Variants in HCN1 observed in about 807,000 individuals in gnomAD.
HCN1 encodes the protein hyperpolarization activated cyclic nucleotide gated potassium channel 1.
Under a neutral mutation model 78.9 loss-of-function variants are expected in HCN1, and 13 were observed. The ratio of observed to expected loss-of-function variants is 0.16; its 90% CI spans 0.11 to 0.26. HCN1 has a LOEUF of 0.26. Ranked by LOEUF, HCN1 falls within the 10% of genes least tolerant of loss-of-function variation. The pLI is 1.00. For synonymous variants in HCN1, 552 were observed against 455.5 expected (o/e 1.21, Z -2.70); for missense variants, 810 against 1,154.3 (o/e 0.70, Z 4.32).
chr5:45,293,019 C>T (rs1376363321), intron 6 of HCN1, among the ~76,000 whole-genome samples: 1 of 151,946 alleles, frequency 6.6e-6, no homozygotes, highest in Non-Finnish European at 1.5e-5. Context: ...AAGAGAAAAT[C>T]AGTTTACCTA....
intron 5 of HCN1, among the ~76,000 whole-genome samples, chr5:45,340,595 C>T (rs965791978): frequency 2.0e-5 from 3 of 152,088 alleles, no homozygotes; most frequent in Non-Finnish European, 4.4e-5. Context: ...TCCTGAAATT[C>T]TGCTTTTCTT....
chr5:45,579,761 A>T (rs1490312547), intron 2 of HCN1, among the ~76,000 whole-genome samples: 1 of 152,106 alleles, frequency 6.6e-6, no homozygotes, highest in Non-Finnish European at 1.5e-5. Flanking sequence ...AATCTCTGAA[A>T]TACACATCTA....
Position 45,393,121 on chromosome 5 carries a change from A to G in HCN1, c.1230+3371T>C, listed in dbSNP as rs185504015. ...GAATTGATAACTTCCTCACATATTT[A>G]AAGTTATTCTTTGGTCATATTCAAG... On this transcript the variant is annotated intron_variant, in intron 4 of 7. Transcript: ENST00000303230. Among the ~76,000 whole-genome samples the G allele has an allele frequency of 1.8e-3, 281 of 152,284 alleles. 1 individual carries two copies. Among genetic ancestry groups the G allele is most frequent in the African/African-American group, 6.5e-3 (272 of 41,556 alleles).
chr5:45,316,239 G>A (rs1015587830), intron 5 of HCN1, among the ~76,000 whole-genome samples: 13 of 152,030 alleles, frequency 8.6e-5, no homozygotes, highest in Admixed American at 7.2e-4. Flanking sequence ...TTCATCCCTG[G>A]GATGCAAGGC....
chr5:45,387,457 C>A (rs191790372), intron 4 of HCN1, among the ~76,000 whole-genome samples: 1 of 151,874 alleles, frequency 6.6e-6, no homozygotes, highest in African/African-American at 2.4e-5. Flanking sequence ...AAATATTTTA[C>A]ATACTGAATT....
At chr5:45,340,367 TTGTC>T (rs1746551344) in intron 5 of HCN1, among the ~76,000 whole-genome samples, 1 of 152,212 alleles carries the variant, frequency 6.6e-6, no homozygotes, top group Admixed American at 6.5e-5. Flanking sequence ...AGTTGTGCTG[TTGTC>T]TTTCTGCAGT....
At chr5:45,539,930 ATAT>A (rs898471728) in intron 2 of HCN1, among the ~76,000 whole-genome samples, 11 of 26,302 alleles carry the variant, frequency 4.2e-4, no homozygotes, top group African/African-American at 7.5e-4. Flanking sequence ...ATATATATAT[ATAT>A]ATATATATAT....
At position 45,303,819 on chromosome 5, in the gene HCN1, A is replaced by G. The variant is rs761446747; in HGVS notation, c.1398T>C (p.Cys466=). The G allele has an allele frequency of 3.1e-6, 5 of 1,613,382 alleles. No homozygotes were observed. The Admixed American group carries it at 5.0e-5, about 16-fold the overall frequency. The change falls in exon 6 of 8, where the codon TGT becomes TGC. Residue 466 remains cysteine, a synonymous_variant. Transcript: ENST00000303230. ...PLREEIVNFN[C]RKLVATMPLF... ...AAGGCATTGTAGCCACCAGTTTCCG[A>G]CAGTTGAAGTTGACTATCTCCTAAA...
chr5:45,682,324 A>T, intron 1 of HCN1, among the ~76,000 whole-genome samples: 1 of 145,024 alleles, frequency 6.9e-6, no homozygotes, highest in African/African-American at 2.6e-5. Flanking sequence ...AAACTACATA[A>T]AACCAAGCAT....
chr5:45,493,113 T>A (rs947501768), intron 2 of HCN1, among the ~76,000 whole-genome samples: 49 of 152,122 alleles, frequency 3.2e-4, no homozygotes, highest in African/African-American at 1.1e-3. Flanking sequence ...ACCTTATAAA[T>A]ATACTGAGAC....
At chr5:45,560,186 C>A (rs1202587764) in intron 2 of HCN1, among the ~76,000 whole-genome samples, 4 of 152,034 alleles carry the variant, frequency 2.6e-5, no homozygotes, top group Non-Finnish European at 4.4e-5. Context: ...GCTATATTTG[C>A]TTTATTGCAG....
chr5:45,691,933 T>C (rs1374089059), intron 1 of HCN1, among the ~76,000 whole-genome samples: 1 of 152,090 alleles, frequency 6.6e-6, no homozygotes, highest in Admixed American at 6.6e-5. Context: ...TACAACAAAA[T>C]AAGCTTTTCA....
chr5:45,529,443 T>C (rs1050900983), intron 2 of HCN1, among the ~76,000 whole-genome samples: 4 of 152,036 alleles, frequency 2.6e-5, no homozygotes, highest in African/African-American at 9.7e-5. Flanking sequence ...TAATAGTGAT[T>C]CTGTCTGATG....
chr5:45,262,251 C>T lies in HCN1; in HGVS notation c.2343G>A (p.Arg781=), dbSNP rs575150344. 6.2e-7 allele frequency: 1 copy of T among 1,614,018 alleles called. No individual in the cohort carries two copies. Among genetic ancestry groups the T allele is most frequent in the East Asian group, 2.2e-5 (1 of 44,872 alleles). ...GCGAGGCGGAGAGTGGCCTGACTTC[C>T]CGGGTCAGGTTGGTGTTGTGAAGCG... ...TQALHNTNLT[R]EVRPLSASQP... Residue 781 remains arginine (R), a synonymous_variant, in exon 8 of 8, where the codon CGG becomes CGA. Coordinates refer to ENST00000303230, the MANE Select transcript of HCN1 (RefSeq NM_021072.4).
At chr5:45,341,519 C>T (rs974576735) in intron 5 of HCN1, among the ~76,000 whole-genome samples, 44 of 152,262 alleles carry the variant, frequency 2.9e-4, no homozygotes, top group Admixed American at 6.5e-4. Context: ...TAAAACATGG[C>T]TTTGCAAGTA....
chr5:45,464,356 C>T lies in HCN1; in HGVS notation c.850-2349G>A, dbSNP rs369581708. ...GCCTAGATTCAAGCCTATCTGCTAC[C>T]AAATAGTCATTCCCAATTCCATAAT... is the stretch of plus-strand genomic sequence containing the variant. On this transcript the variant is annotated intron_variant, in intron 2 of 7. Coordinates refer to ENST00000303230, the MANE Select transcript of HCN1 (RefSeq NM_021072.4). 2.6e-5 allele frequency among the ~76,000 whole-genome samples: 4 copies of T among 152,040 alleles called. No homozygotes were observed. The South Asian group carries it at 6.2e-4, about 24-fold the overall frequency.
chr5:45,550,207 T>A (rs905039126), intron 2 of HCN1, among the ~76,000 whole-genome samples: 130 of 152,208 alleles, frequency 8.5e-4, no homozygotes, highest in African/African-American at 3.1e-3. Context: ...CGTATGTTTA[T>A]TGCGGCACTA....
chr5:45,630,205 C>T (rs1415925994), intron 2 of HCN1, among the ~76,000 whole-genome samples: 1 of 152,118 alleles, frequency 6.6e-6, no homozygotes, highest in Non-Finnish European at 1.5e-5. Context: ...ATCTTACCTG[C>T]CTCTTTTCCA....
rs535762649 is a variant in HCN1 at position 45,503,023 on chromosome 5, A to C, written c.850-41016T>G. On this transcript the variant is annotated intron_variant, in intron 2 of 7. Transcript: ENST00000303230. ...AATAGTTAAAGTGAATAAACAAATA[A>C]ATTAATGGGAAGACTCATGCATTTA... Among the ~76,000 whole-genome samples, 3 of 152,364 alleles carry C rather than the reference A, an allele frequency of 2.0e-5. No individual in the cohort carries two copies. The South Asian group carries it at 6.2e-4, about 32-fold the overall frequency.
Sources: allele counts gnomAD v4.1 joint callset (sites outside exome capture counted in the v4.1 genomes callset), GRCh38; gene constraint gnomAD v4.1.1; transcripts MANE v1.5; gene names NCBI Gene and HGNC (gene_info 2026-07-23, HGNC 2026-07-21).